The following SEPTIN9 variants were observed in gnomAD, a reference collection of about 807,000 sequenced individuals.
SEPTIN9 encodes the protein septin 9.
SEPTIN9 carries 13 observed loss-of-function variants against 56.6 expected under a neutral mutation model. That is an observed-to-expected ratio of 0.23 (90% CI 0.15 to 0.37). The LOEUF (loss-of-function observed/expected upper bound fraction) is 0.37, where lower values mean the gene tolerates loss of function less well. Ranked by LOEUF, SEPTIN9 falls within the 10% of genes least tolerant of loss-of-function variation. The probability of loss-of-function intolerance (pLI) is 1.00; values close to 1 mark genes in which losing one functional copy is unlikely to be tolerated. For synonymous variants in SEPTIN9, 332 were observed against 334.1 expected (o/e 0.99, Z 0.07); for missense variants, 650 against 823.1 (o/e 0.79, Z 2.57).
chr17:77,454,523 C>A, intron 3 of SEPTIN9: 1 of 264,988 alleles, frequency 3.8e-6, no homozygotes, highest in Non-Finnish European at 5.8e-6. Context: ...GAGGGTCCCT[C>A]TCGCCCCCAC....
intron 2 of SEPTIN9, among the ~76,000 whole-genome samples, chr17:77,352,726 G>A (rs2034105802): frequency 1.3e-5 from 2 of 152,124 alleles, no homozygotes; most frequent in African/African-American, 2.4e-5. Flanking sequence ...GTGCAGTGGC[G>A]TGATCATGGC....
chr17:77,451,266 C>T lies in SEPTIN9; in HGVS notation c.722-30878C>T. 1 of 671,952 alleles carries T rather than the reference C, an allele frequency of 1.5e-6. No homozygotes were observed. Among genetic ancestry groups the T allele is most frequent in the Non-Finnish European group, 1.8e-6 (1 of 543,286 alleles). 41.6% of individuals were successfully genotyped at this position (671,952 alleles called of 1,614,324 possible). ...CCCGTGCCTTCAGGTTGCTTCTGCG[C>T]CGGGCCTGCCGCTGGGCGCCCCTAT... On this transcript the variant is annotated intron_variant, in intron 3 of 11. Coordinates refer to ENST00000427177, the MANE Select transcript of SEPTIN9 (RefSeq NM_001113491.2). This position sits in a 1 kb window ranked among gnomAD's most constrained non-coding sequence, Gnocchi z 4.2.
chr17:77,422,633 G>A (rs992311531), intron 3 of SEPTIN9, among the ~76,000 whole-genome samples: 2 of 152,308 alleles, frequency 1.3e-5, no homozygotes, highest in South Asian at 4.1e-4. Flanking sequence ...CGGGGAGCCG[G>A]GCTAATGGTC....
intron 10 of SEPTIN9, 85 bp downstream of exon 10, chr17:77,493,161 CA>C: frequency 9.0e-7 from 1 of 1,111,150 alleles, no homozygotes. Context: ...ACGCCTGAGC[CA>C]GGGACTCGTG....
At chr17:77,322,686 G>C (rs2279973) in intron 2 of SEPTIN9, 6 of 152,264 alleles carry the variant, frequency 3.9e-5, no homozygotes, top group Admixed American at 1.3e-4. Context: ...GGGTGGGAGC[G>C]GCACGGCCCC....
chr17:77,376,129 G>T (rs2034910896), intron 2 of SEPTIN9: 4 of 986,724 alleles, frequency 4.1e-6, no homozygotes, highest in Non-Finnish European at 3.6e-6. Context: ...GAATTGGATT[G>T]CAAGAGGAAG....
At chr17:77,347,104 G>A (rs964546050) in intron 2 of SEPTIN9, among the ~76,000 whole-genome samples, 3 of 152,150 alleles carry the variant, frequency 2.0e-5, no homozygotes, top group African/African-American at 7.2e-5. Context: ...GCATCCAGGC[G>A]CAGTGGCTCA....
intron 3 of SEPTIN9, among the ~76,000 whole-genome samples, chr17:77,477,871 A>T (rs1265973132): frequency 2.0e-5 from 3 of 152,150 alleles, no homozygotes; most frequent in African/African-American, 7.2e-5. Flanking sequence ...TACTGCTGAT[A>T]ATTAGTCTGG....
intron 4 of SEPTIN9, among the ~76,000 whole-genome samples, chr17:77,485,384 G>T (rs1239267781): frequency 6.6e-6 from 1 of 151,614 alleles, no homozygotes; most frequent in Admixed American, 6.6e-5. Context: ...TGATGTGGTT[G>T]ATGATGGTGC....
chr17:77,356,780 GGGT>G (rs1322651148), intron 2 of SEPTIN9, among the ~76,000 whole-genome samples: 1 of 139,796 alleles, frequency 7.2e-6, no homozygotes, highest in Non-Finnish European at 1.5e-5. Flanking sequence ...GGCCTGGAAA[GGGT>G]GGGCACCCTG....
chr17:77,383,139 T>C (rs569878441), intron 2 of SEPTIN9, among the ~76,000 whole-genome samples: 1 of 148,750 alleles, frequency 6.7e-6, no homozygotes, highest in African/African-American at 2.5e-5. Context: ...CCTCCCTCTC[T>C]CCCTCCCTCT....
chr17:77,495,087 G>A (rs979292332), intron 10 of SEPTIN9, among the ~76,000 whole-genome samples: 1 of 152,214 alleles, frequency 6.6e-6, no homozygotes, highest in African/African-American at 2.4e-5. Context: ...GGGACGGGCC[G>A]GCGGCTTTGC....
intron 7 of SEPTIN9, among the ~76,000 whole-genome samples, chr17:77,490,407 C>T (rs570010506): frequency 1.3e-5 from 2 of 152,354 alleles, no homozygotes; most frequent in African/African-American, 4.8e-5. Context: ...GCCAAAGCCC[C>T]ACAGCAAGAC....
At chr17:77,466,495 G>A in intron 3 of SEPTIN9, 1 of 984,026 alleles carries the variant, frequency 1.0e-6, no homozygotes, top group South Asian at 4.7e-5. Flanking sequence ...AGCGAGCCAG[G>A]GGTCACTACT....
intron 11 of SEPTIN9, among the ~76,000 whole-genome samples, chr17:77,497,945 G>T (rs2143480363): frequency 6.8e-6 from 1 of 147,940 alleles, no homozygotes; most frequent in East Asian, 2.1e-4. Context: ...CAGGGGTGGG[G>T]GGATTCCGGG....
intron 3 of SEPTIN9, among the ~76,000 whole-genome samples, chr17:77,472,029 T>C (rs1471631557): frequency 1.1e-4 from 17 of 152,198 alleles, no homozygotes; most frequent in Admixed American, 1.1e-3. Flanking sequence ...CCCTGCAGCC[T>C]AAGTTCTGAG....
intron 2 of SEPTIN9, among the ~76,000 whole-genome samples, chr17:77,321,477 G>T (rs557471417): frequency 2.0e-5 from 3 of 151,284 alleles, no homozygotes. Flanking sequence ...TCAGCTCACT[G>T]CAAGCTCCGC....
intron 2 of SEPTIN9, among the ~76,000 whole-genome samples, chr17:77,364,196 C>T (rs559888991): frequency 2.6e-5 from 4 of 152,316 alleles, no homozygotes; most frequent in African/African-American, 7.2e-5. Flanking sequence ...GCGCACCCCG[C>T]GCTTCCTGTC....
chr17:77,393,042 A>G (rs1002559952), intron 2 of SEPTIN9, among the ~76,000 whole-genome samples: 1 of 152,090 alleles, frequency 6.6e-6, no homozygotes, highest in African/African-American at 2.4e-5. Flanking sequence ...TCCACCAAGC[A>G]GCCCAGGCCA....
Sources: allele counts gnomAD v4.1 joint callset (sites outside exome capture counted in the v4.1 genomes callset), GRCh38; gene constraint gnomAD v4.1.1; non-coding constraint Gnocchi (gnomAD v3.1); transcripts MANE v1.5; gene names NCBI Gene and HGNC (gene_info 2026-07-23, HGNC 2026-07-21).